POLN: variants seen among roughly 807,000 people sequenced by gnomAD.
The protein encoded by POLN is DNA polymerase N.
Under a neutral mutation model 113.5 loss-of-function variants are expected in POLN, and 108 were observed. That is an observed-to-expected ratio of 0.95 (90% CI 0.81 to 1.12). The LOEUF (loss-of-function observed/expected upper bound fraction) is 1.12. Among genes scored for constraint, POLN ranks in the 50% most tolerant of loss-of-function variants. POLN has a pLI of 0.00. For synonymous variants in POLN, 386 were observed against 391.5 expected, an observed-to-expected ratio of 0.99 and a Z score of 0.17; for missense variants, 1,097 against 1,077.1, an observed-to-expected ratio of 1.02 and a Z score of -0.26.
chr4:2,092,341 G>C (rs368122892), intron 20 of POLN, among the ~76,000 whole-genome samples: 1 of 152,240 alleles, frequency 6.6e-6, no homozygotes, highest in East Asian at 1.9e-4. Context: ...ATCAAGACCC[G>C]AGGAGTCAAG....
At chr4:2,184,701 A>G (rs192809352) in intron 7 of POLN, among the ~76,000 whole-genome samples, 4 of 152,312 alleles carry the variant, frequency 2.6e-5, no homozygotes, top group Admixed American at 2.0e-4. Flanking sequence ...AGAAATGGCT[A>G]ATTTCAGGTC....
chr4:2,211,951 AAGAAG>A (rs1356498197), intron 4 of POLN, among the ~76,000 whole-genome samples: 3 of 152,158 alleles, frequency 2.0e-5, no homozygotes, highest in Non-Finnish European at 4.4e-5. Context: ...TTACAGAGGG[AAGAAG>A]AGAAGAGTCC....
chr4:2,094,095 C>G (rs149024233), intron 20 of POLN, among the ~76,000 whole-genome samples: 1 of 152,006 alleles, frequency 6.6e-6, no homozygotes, highest in African/African-American at 2.4e-5. Context: ...GCCTGTAATC[C>G]CAGCACTTTG....
Position 2,131,291 on chromosome 4 carries a change from C to G in POLN, c.1732-1G>C, listed in dbSNP as rs778578179. 7 of 1,571,858 alleles carry G rather than the reference C, an allele frequency of 4.5e-6. No homozygotes were observed. The highest frequency in any genetic ancestry group is 6.1e-6 in the Non-Finnish European group (7 of 1,143,336). ...GGTGCTTGGAGATACCTTGGATATTCTGTTAATAATAAGAGACTAGCTTTA... is the reference window on the plus strand; with the variant it reads ...GGTGCTTGGAGATACCTTGGATATTGTGTTAATAATAAGAGACTAGCTTTA... On this transcript the variant is annotated splice_acceptor_variant, in intron 16 of 25. Coordinates refer to ENST00000511885, the MANE Select transcript of POLN (RefSeq NM_181808.4). LOFTEE classifies it high-confidence loss of function.
chr4:2,081,210 T>C, intron 22 of POLN, 174 bp from the exon 23 acceptor site: 1 of 1,560,064 alleles, frequency 6.4e-7, no homozygotes, highest in South Asian at 1.2e-5. Context: ...TCCTTGCTCC[T>C]CCCGCCCTCT....
intron 16 of POLN, among the ~76,000 whole-genome samples, chr4:2,135,556 T>C (rs6824606): frequency 0.057 from 8,635 of 152,294 alleles, 829 homozygotes; most frequent in African/African-American, 0.2. Flanking sequence ...AGCAAACGCA[T>C]GTTCACAGGT....
chr4:2,190,869 T>TA (rs2108755935), intron 7 of POLN, among the ~76,000 whole-genome samples: 1 of 152,270 alleles, frequency 6.6e-6, no homozygotes, highest in South Asian at 2.1e-4. Flanking sequence ...AGATAGGGAA[T>TA]AACAGATACT....
intron 19 of POLN, among the ~76,000 whole-genome samples, chr4:2,100,271 A>G (rs1038191935): frequency 2.0e-5 from 3 of 152,144 alleles, no homozygotes; most frequent in Non-Finnish European, 4.4e-5. Flanking sequence ...AATTTTTTGT[A>G]ACCAATGAAA....
intron 2 of POLN, among the ~76,000 whole-genome samples, chr4:2,236,820 G>A (rs1734783815): frequency 6.6e-6 from 1 of 151,406 alleles, no homozygotes; most frequent in Non-Finnish European, 1.5e-5. Flanking sequence ...CCCAGATTGC[G>A]CCACTGCACT....
At chr4:2,140,390 T>C (rs1400721212) in intron 16 of POLN, among the ~76,000 whole-genome samples, 1 of 152,158 alleles carries the variant, frequency 6.6e-6, no homozygotes, top group Non-Finnish European at 1.5e-5. Flanking sequence ...ATTTGTTAAA[T>C]TGATGCATGG....
intron 2 of POLN, among the ~76,000 whole-genome samples, chr4:2,235,397 G>A (rs1250262704): frequency 6.6e-6 from 1 of 152,198 alleles, no homozygotes; most frequent in Admixed American, 6.5e-5. Flanking sequence ...CAAAGATGTG[G>A]AGAAACTGGA....
At chr4:2,169,982 C>T (rs1322409415) in intron 13 of POLN, among the ~76,000 whole-genome samples, 1 of 152,220 alleles carries the variant, frequency 6.6e-6, no homozygotes, top group African/African-American at 2.4e-5. Flanking sequence ...GACACCCTCA[C>T]AGGGCGGAGA....
chr4:2,183,697 G>T (rs1480394599), intron 7 of POLN, among the ~76,000 whole-genome samples: 1 of 152,006 alleles, frequency 6.6e-6, no homozygotes, highest in South Asian at 2.1e-4. Context: ...AGGAGTACAG[G>T]GTTTTTTTTT....
At chr4:2,180,260 T>C (rs1298672518) in intron 7 of POLN, among the ~76,000 whole-genome samples, 1 of 152,232 alleles carries the variant, frequency 6.6e-6, no homozygotes, top group Non-Finnish European at 1.5e-5. Context: ...AACAAGTTTT[T>C]ATACCAGAAC....
chr4:2,156,326 T>C, intron 16 of POLN: 1 of 395,794 alleles, frequency 2.5e-6, no homozygotes, highest in Non-Finnish European at 5.0e-6. Flanking sequence ...GAAAGTTAAG[T>C]GCTTTAAGTG....
chr4:2,187,733 TA>T (rs57748027), intron 7 of POLN, among the ~76,000 whole-genome samples: 37,468 of 151,548 alleles, frequency 0.25, 7,134 homozygotes, highest in African/African-American at 0.52. Context: ...AAAGAACAAA[TA>T]ACATATAAAG....
At chr4:2,221,870 T>C (rs1481063827) in intron 3 of POLN, among the ~76,000 whole-genome samples, 1 of 152,166 alleles carries the variant, frequency 6.6e-6, no homozygotes, top group Admixed American at 6.5e-5. Context: ...CTATCGCACC[T>C]GGCCCCTCTT....
intron 5 of POLN, among the ~76,000 whole-genome samples, chr4:2,203,925 T>C (rs1235148271): frequency 6.6e-6 from 1 of 151,558 alleles, no homozygotes; most frequent in African/African-American, 2.4e-5. Context: ...GTCTGACCAA[T>C]ATGGTGAAAC....
At chr4:2,181,179 C>G (rs1177646985) in intron 7 of POLN, among the ~76,000 whole-genome samples, 1 of 152,042 alleles carries the variant, frequency 6.6e-6, no homozygotes, top group Admixed American at 6.6e-5. Flanking sequence ...GAGTCTTGCT[C>G]TGTTGCCCAA....
Sources: gnomAD v4.1 joint callset for allele counts (sites outside exome capture counted in the v4.1 genomes callset) on GRCh38, gnomAD v4.1.1 for gene constraint, MANE v1.5 for transcripts, NCBI Gene and HGNC (gene_info 2026-07-23, HGNC 2026-07-21) for gene names.